The following DLG2 variants were observed in gnomAD, a reference collection of about 807,000 sequenced individuals.
DLG2 encodes discs large MAGUK scaffold protein 2.
In DLG2, 45 loss-of-function variants were observed where a neutral mutation model predicts 132.5. The observed-to-expected ratio is 0.34, with a 90% CI of 0.27 to 0.44. The LOEUF (loss-of-function observed/expected upper bound fraction) is 0.44. Among genes scored for constraint, DLG2 ranks in the 20% least tolerant of loss-of-function variants. DLG2 has a pLI of 1.00. For missense variants in DLG2, 1,045 were observed against 1,196.9 expected (o/e 0.87, Z 1.87); for synonymous variants, 424 against 419.6 (o/e 1.01, Z -0.13).
chr11:84,669,753 G>C (rs1276951327), intron 6 of DLG2, among the ~76,000 whole-genome samples: 1 of 152,132 alleles, frequency 6.6e-6, no homozygotes. Context: ...CAAATGGACT[G>C]TCAGAAGAAG....
chr11:84,691,885 A>G (rs1156590253), intron 6 of DLG2, among the ~76,000 whole-genome samples: 6 of 151,614 alleles, frequency 4.0e-5, no homozygotes, highest in African/African-American at 1.5e-4. Flanking sequence ...TTCCAGACTC[A>G]TTTCCCATAC....
intron 7 of DLG2, among the ~76,000 whole-genome samples, chr11:84,498,314 C>G (rs963371850): frequency 6.6e-6 from 1 of 152,058 alleles, no homozygotes; most frequent in African/African-American, 2.4e-5. Context: ...CTTACTTATT[C>G]AGTCAATCCA....
At chr11:83,721,851 T>C (rs943813793) in intron 18 of DLG2, among the ~76,000 whole-genome samples, 1 of 152,116 alleles carries the variant, frequency 6.6e-6, no homozygotes, top group South Asian at 2.1e-4. Context: ...GATGAAAATG[T>C]CCCAGAGAAT....
At chr11:84,344,629 G>T (rs927312742) in intron 7 of DLG2, among the ~76,000 whole-genome samples, 8 of 152,142 alleles carry the variant, frequency 5.3e-5, no homozygotes, top group African/African-American at 1.9e-4. Flanking sequence ...TCTTCTATCT[G>T]AAAACAAAAG....
At chr11:85,032,837 G>T (rs940072326) in intron 6 of DLG2, among the ~76,000 whole-genome samples, 6 of 152,184 alleles carry the variant, frequency 3.9e-5, no homozygotes, top group African/African-American at 1.4e-4. Flanking sequence ...ACTGTACCAA[G>T]AAATGACTTG....
chr11:84,129,318 T>C (rs1424609386), intron 9 of DLG2, among the ~76,000 whole-genome samples: 1 of 152,046 alleles, frequency 6.6e-6, no homozygotes, highest in African/African-American at 2.4e-5. Flanking sequence ...AGGAAGAAGT[T>C]TGGGTATTCA....
intron 3 of DLG2, among the ~76,000 whole-genome samples, chr11:85,504,153 T>G (rs1413174001): frequency 6.6e-6 from 1 of 152,198 alleles, no homozygotes; most frequent in South Asian, 2.1e-4. Context: ...TTTCTCCCAT[T>G]CTGTAGGTTG....
At chr11:84,182,590 C>T (rs2096166138) in intron 8 of DLG2, among the ~76,000 whole-genome samples, 1 of 151,760 alleles carries the variant, frequency 6.6e-6, no homozygotes, top group African/African-American at 2.4e-5. Context: ...AATTAATAAG[C>T]TTCAGTAAAA....
intron 8 of DLG2, among the ~76,000 whole-genome samples, chr11:84,206,236 A>G (rs1337943539): frequency 6.6e-6 from 1 of 152,114 alleles, no homozygotes; most frequent in African/African-American, 2.4e-5. Context: ...CATCTGTTGA[A>G]AACATTGAAT....
chr11:83,721,496 G>C (rs1195697577), intron 18 of DLG2, among the ~76,000 whole-genome samples: 1 of 152,094 alleles, frequency 6.6e-6, no homozygotes, highest in Non-Finnish European at 1.5e-5. Context: ...GTTCTTTCAA[G>C]GTCTGTCAGT....
intron 6 of DLG2, among the ~76,000 whole-genome samples, chr11:84,968,725 T>C (rs2053653279): frequency 6.6e-6 from 1 of 152,196 alleles, no homozygotes; most frequent in Non-Finnish European, 1.5e-5. Context: ...CAAATTATTA[T>C]AACTTTTGTT....
At chr11:84,992,869 A>G (rs2154126172) in intron 6 of DLG2, among the ~76,000 whole-genome samples, 1 of 152,258 alleles carries the variant, frequency 6.6e-6, no homozygotes. Context: ...CAGTGTTGCA[A>G]ATCCTCAAGG....
intron 4 of DLG2, among the ~76,000 whole-genome samples, chr11:85,245,347 T>C (rs942075085): frequency 1.3e-5 from 2 of 152,046 alleles, no homozygotes; most frequent in Admixed American, 6.6e-5. Context: ...CTTTAACCAA[T>C]GTCCACTCAT....
chr11:83,941,386 T>C (rs546384187), intron 14 of DLG2, among the ~76,000 whole-genome samples: 10 of 149,748 alleles, frequency 6.7e-5, no homozygotes, highest in African/African-American at 2.4e-4. Flanking sequence ...TTAAAATTTA[T>C]TTATTTAATT....
At chr11:83,659,154 T>A (rs1305640162) in intron 18 of DLG2, among the ~76,000 whole-genome samples, 1 of 152,236 alleles carries the variant, frequency 6.6e-6, no homozygotes, top group Non-Finnish European at 1.5e-5. Context: ...GGCCAACATA[T>A]TTTAAGCATT....
chr11:84,938,962 T>C (rs2049066400), intron 6 of DLG2, among the ~76,000 whole-genome samples: 1 of 152,214 alleles, frequency 6.6e-6, no homozygotes, highest in Admixed American at 6.5e-5. Flanking sequence ...AAAATTATAG[T>C]TGGATGGAAA....
At chr11:85,235,864 G>T (rs1261421356) in intron 4 of DLG2, among the ~76,000 whole-genome samples, 2 of 151,828 alleles carry the variant, frequency 1.3e-5, no homozygotes, top group Non-Finnish European at 2.9e-5. Context: ...AGTAAAAGTT[G>T]TTGAGGAATA....
At chr11:84,195,299 G>A (rs1284958048) in intron 8 of DLG2, among the ~76,000 whole-genome samples, 1 of 152,182 alleles carries the variant, frequency 6.6e-6, no homozygotes, top group East Asian at 1.9e-4. Context: ...GAGTAGCTGG[G>A]ACTACAGGCA....
intron 5 of DLG2, among the ~76,000 whole-genome samples, chr11:85,136,636 A>G (rs2076161488): frequency 6.6e-6 from 1 of 152,230 alleles, no homozygotes. Flanking sequence ...AGTAAAACCT[A>G]TCATTGAAAG....
Sources: allele counts gnomAD v4.1 joint callset (sites outside exome capture counted in the v4.1 genomes callset), GRCh38; gene constraint gnomAD v4.1.1; transcripts MANE v1.5; gene names NCBI Gene and HGNC (gene_info 2026-07-23, HGNC 2026-07-21).